The following LNX1 variants were observed in gnomAD, a reference collection of about 807,000 sequenced individuals.
LNX1 encodes the protein ligand of numb-protein X 1.
LNX1 carries 54 observed loss-of-function variants against 68.4 expected under a neutral mutation model. The ratio of observed to expected loss-of-function variants is 0.79; its 90% CI spans 0.63 to 0.99. The LOEUF is 0.99. Ranked by LOEUF, LNX1 falls within the 50% of genes least tolerant of loss-of-function variation. LNX1 has a pLI of 0.00. For missense variants in LNX1, 906 were observed against 926.4 expected (o/e 0.98, Z 0.29); for synonymous variants, 336 against 350.0 (o/e 0.96, Z 0.45).
chr4:53,507,226 A>G, intron 4 of LNX1, 91 bp downstream of exon 4: 1 of 1,377,738 alleles, frequency 7.3e-7, no homozygotes, highest in South Asian at 1.4e-5. Context: ...GAGGGGTCAC[A>G]GAAGGTGGAA....
At chr4:53,483,211 C>T (rs1395861332) in intron 6 of LNX1, among the ~76,000 whole-genome samples, 1 of 152,178 alleles carries the variant, frequency 6.6e-6, no homozygotes, top group African/African-American at 2.4e-5. Flanking sequence ...TGCACAGGCT[C>T]TCTTGTCTGC....
chr4:53,467,993 C>A (rs929761518), intron 9 of LNX1, among the ~76,000 whole-genome samples: 14 of 152,116 alleles, frequency 9.2e-5, no homozygotes, highest in Non-Finnish European at 1.9e-4. Flanking sequence ...ACAGAGAATG[C>A]CACAAAGATA....
intron 2 of LNX1, chr4:53,558,073 G>C: frequency 1.3e-6 from 2 of 1,526,582 alleles, no homozygotes. Context: ...ACAATCAGTA[G>C]ATCACAAAGA....
At position 53,641,854 on chromosome 4, in the gene LNX1, C is replaced by G. The variant is rs181429587; in HGVS notation, c.-215+10314G>C. Among the ~76,000 whole-genome samples the G allele has an allele frequency of 7.4e-4, 112 of 152,296 alleles. 1 individual carries two copies. Among genetic ancestry groups the G allele is most frequent in the African/African-American group, 2.6e-3 (108 of 41,576 alleles). ...GATTTATTCATATTGTAGGTATCAA[C>G]AGTTCATTCCTTTTTTTCTGCTTAG... is the stretch of plus-strand genomic sequence containing the variant. On this transcript the variant is annotated intron_variant, in intron 1 of 2. Coordinates refer to the LNX1 transcript ENST00000507168.
chr4:53,467,451 A>T (rs1207105646), intron 9 of LNX1, among the ~76,000 whole-genome samples: 2 of 152,234 alleles, frequency 1.3e-5, no homozygotes, highest in Non-Finnish European at 2.9e-5. Flanking sequence ...CCTCCAAAGG[A>T]ATGCAGCTCC....
chr4:53,591,518 G>T, upstream of LNX1: 1 of 985,554 alleles, frequency 1.0e-6, no homozygotes, highest in South Asian at 4.7e-5. Flanking sequence ...ACAGGTGCCT[G>T]GAGGAAGGAG....
chr4:53,515,743 G>T (rs915881401), intron 2 of LNX1, among the ~76,000 whole-genome samples: 1 of 152,064 alleles, frequency 6.6e-6, no homozygotes, highest in South Asian at 2.1e-4. Context: ...CTCATGGGAG[G>T]GTCTTCTAAG....
At chr4:53,482,493 G>C (rs187100269) in intron 6 of LNX1, among the ~76,000 whole-genome samples, 1 of 152,104 alleles carries the variant, frequency 6.6e-6, no homozygotes, top group East Asian at 1.9e-4. Context: ...AAGAAAATGT[G>C]GTATGTATAT....
At chr4:53,533,147 C>A (rs1326786985) in intron 2 of LNX1, among the ~76,000 whole-genome samples, 1 of 152,196 alleles carries the variant, frequency 6.6e-6, no homozygotes, top group East Asian at 1.9e-4. Flanking sequence ...GTGGGCCTGG[C>A]CTGAGACTAA....
intron 2 of LNX1, among the ~76,000 whole-genome samples, chr4:53,605,044 C>T (rs759396289): frequency 7.2e-5 from 11 of 152,270 alleles, no homozygotes; most frequent in South Asian, 2.1e-4. Context: ...GAAGTGGAAG[C>T]TGCCAGCTCA....
At chr4:53,587,971 T>A (rs1043599357) in intron 1 of LNX1, among the ~76,000 whole-genome samples, 1 of 152,226 alleles carries the variant, frequency 6.6e-6, no homozygotes, top group Non-Finnish European at 1.5e-5. Flanking sequence ...GAAATCTTTT[T>A]TTGCTCAGTC....
rs144074631 is a variant in LNX1 at position 53,648,884 on chromosome 4, G to A, written c.-215+3284C>T. 2.0e-5 allele frequency among the ~76,000 whole-genome samples: 3 copies of A among 152,298 alleles called. No homozygotes were observed. The East Asian group carries it at 5.8e-4, about 29-fold the overall frequency. The stretch of plus-strand genomic sequence containing the variant: ...GCTTTGGGGTTGTCAGGACAATCAT[G>A]ACAATCACTATTGCCCTGAAACCCA... On this transcript the variant is annotated intron_variant, in intron 1 of 2. Coordinates refer to the LNX1 transcript ENST00000507168.
At chr4:53,484,091 G>GC (rs1432843853) in intron 6 of LNX1, among the ~76,000 whole-genome samples, 2 of 152,160 alleles carry the variant, frequency 1.3e-5, no homozygotes, top group Admixed American at 1.3e-4. Flanking sequence ...TGAGGAAGTA[G>GC]CCATCCCCAG....
At chr4:53,532,483 A>G (rs1728087789) in intron 2 of LNX1, among the ~76,000 whole-genome samples, 1 of 152,106 alleles carries the variant, frequency 6.6e-6, no homozygotes, top group Admixed American at 6.6e-5. Flanking sequence ...AAAATAAAAA[A>G]AAGAAAGTAC....
At chr4:53,509,859 C>T (rs759582523) in intron 2 of LNX1, among the ~76,000 whole-genome samples, 76 of 152,304 alleles carry the variant, frequency 5.0e-4, no homozygotes, top group Non-Finnish European at 8.1e-4. Context: ...CAAACCCAGT[C>T]GCACGAGTAC....
At chr4:53,535,322 A>G (rs1728293989) in intron 2 of LNX1, among the ~76,000 whole-genome samples, 1 of 152,172 alleles carries the variant, frequency 6.6e-6, no homozygotes, top group Non-Finnish European at 1.5e-5. Flanking sequence ...ATTTTACCGT[A>G]GTCATTATCT....
chr4:53,472,029 C>T (rs1336540331), intron 9 of LNX1, among the ~76,000 whole-genome samples: 3 of 152,172 alleles, frequency 2.0e-5, no homozygotes, highest in Non-Finnish European at 2.9e-5. Flanking sequence ...TATAAAGACA[C>T]ATGCACACTT....
chr4:53,472,095 C>T (rs1723232135), intron 9 of LNX1, among the ~76,000 whole-genome samples: 1 of 152,162 alleles, frequency 6.6e-6, no homozygotes, highest in African/African-American at 2.4e-5. Flanking sequence ...CCCAAATTTC[C>T]AACAATGATA....
intron 6 of LNX1, among the ~76,000 whole-genome samples, chr4:53,492,781 G>A (rs551746608): frequency 2.0e-5 from 3 of 152,180 alleles, no homozygotes; most frequent in Admixed American, 2.0e-4. Flanking sequence ...GCCTAGGGGA[G>A]AGCACGTTGG....
Sources: gnomAD v4.1 joint callset for allele counts (sites outside exome capture counted in the v4.1 genomes callset) on GRCh38, gnomAD v4.1.1 for gene constraint, MANE v1.5 for transcripts, NCBI Gene and HGNC (gene_info 2026-07-23, HGNC 2026-07-21) for gene names.